The following DNAH10 variants were observed in gnomAD, a reference collection of about 807,000 sequenced individuals.
The protein encoded by DNAH10 is dynein axonemal heavy chain 10.
Under a neutral mutation model 506.6 loss-of-function variants are expected in DNAH10, and 348 were observed. That is an observed-to-expected ratio of 0.69 (90% CI 0.63 to 0.75). The LOEUF (loss-of-function observed/expected upper bound fraction) is 0.75, where lower values mean the gene tolerates loss of function less well. Among genes scored for constraint, DNAH10 ranks in the 30% least tolerant of loss-of-function variants. The pLI, the probability that DNAH10 is intolerant of heterozygous loss-of-function variation, is 0.00. For synonymous variants in DNAH10, 2,059 were observed against 2,198.6 expected (o/e 0.94, Z 1.78); for missense variants, 5,179 against 5,787.1 (o/e 0.89, Z 3.41).
At chr12:123,808,656 C>T (rs1051724801) in intron 18 of DNAH10, 141 bp from the exon 19 acceptor site, 1 of 795,358 alleles carries the variant, frequency 1.3e-6, no homozygotes, top group Non-Finnish European at 2.0e-6. Flanking sequence ...GTAAGACTCA[C>T]CCCAGCCTGT....
At position 123,873,661 on chromosome 12, in the gene DNAH10, C is replaced by A; in HGVS notation, c.7889C>A (p.Pro2630His). 1 of 1,613,416 alleles carries A rather than the reference C, an allele frequency of 6.2e-7. No homozygotes were observed. Reference sequence around the variant, plus strand: ...CGAACCAAAGATACTTACGGCCCACCCATGGGAAAACGCCTGCTGGTGTTC... The same window carrying A: ...CGAACCAAAGATACTTACGGCCCACACATGGGAAAACGCCTGCTGGTGTTC... The part of the protein sequence containing the change: ...EKRTKDTYGP[P>H]MGKRLLVFMD... Residue 2630 changes from proline (P) to histidine (H), a missense_variant, in exon 46 of 79, where the codon CCC becomes CAC. Pro to His is a moderately conservative substitution (Grantham distance 77). Around this residue, in one of 3 missense-constraint regions of DNAH10, gnomAD observed 4,844 missense variants for 5,430.5 expected, o/e 0.89. Transcript: ENST00000673944.
chr12:123,782,656 C>T (rs972269219), intron 6 of DNAH10, among the ~76,000 whole-genome samples: 20 of 151,998 alleles, frequency 1.3e-4, no homozygotes, highest in African/African-American at 4.8e-4. Context: ...AAGTGATCTT[C>T]CTGCCTTGGT....
At chr12:123,808,681 C>A in intron 18 of DNAH10, 116 bp from the exon 19 acceptor site, 1 of 1,045,310 alleles carries the variant, frequency 9.6e-7, no homozygotes, top group African/African-American at 1.6e-5. Flanking sequence ...GACAGCCTCA[C>A]AGTGTGCCAT....
rs374433181 is a variant in DNAH10, at chr12:123,918,643, C to G, written c.11233-33C>G. ...TGCCCTCTGCCCACATCTCAGTCTT[C>G]CTGTTTCCAGGGTCACCTGTGCTTT... On this transcript the variant is annotated intron_variant, in intron 64 of 78. Coordinates refer to ENST00000673944, the MANE Select transcript of DNAH10 (RefSeq NM_001372106.1). 5.2e-6 allele frequency: 8 copies of G among 1,531,228 alleles called. No individual in the cohort carries two copies. The African/African-American group carries it at 6.9e-5, about 13-fold the overall frequency. 94.9% of individuals were successfully genotyped at this position (1,531,228 alleles called of 1,614,324 possible). A position where few individuals can be genotyped will look rare whatever the true frequency, so the allele number is the denominator to read the frequency against.
In DNAH10 at chr12:123,913,147, G is replaced by A. The variant is rs761688047; in HGVS notation, c.10184G>A (p.Arg3395Lys). Residue 3395 changes from arginine to lysine, a missense_variant, in exon 60 of 79, where the codon AGG becomes AAG. Coordinates refer to ENST00000673944, the MANE Select transcript of DNAH10 (RefSeq NM_001372106.1). This position sits in a 1 kb window ranked among gnomAD's most constrained non-coding sequence, Gnocchi z 5.1. ...NFYLTKRELE[R>K]IQNELAAIQK... ...TACCTCACTAAACGGGAACTGGAAA[G>A]GATCCAGAATGAGTTGGCAGCAATT... The A allele has an allele frequency of 3.1e-6, 5 of 1,612,056 alleles. No homozygotes were observed. Among genetic ancestry groups the A allele is most frequent in the Non-Finnish European group, 4.2e-6 (5 of 1,179,442 alleles).
intron 1 of DNAH10, among the ~76,000 whole-genome samples, chr12:123,763,803 TCCTC>T (rs1470386588): frequency 2.0e-5 from 3 of 151,730 alleles, no homozygotes; most frequent in South Asian, 4.2e-4. Context: ...GGTCAAGTGA[TCCTC>T]CCGCCTCGGC....
At position 123,906,537 on chromosome 12, in the gene DNAH10, C is replaced by T. The variant is rs575413113; in HGVS notation, c.9816-2724C>T. 7.9e-5 allele frequency among the ~76,000 whole-genome samples: 12 copies of T among 152,300 alleles called. 1 individual carries two copies. The South Asian group carries it at 8.3e-4, about 11-fold the overall frequency. On this transcript the variant is annotated intron_variant, in intron 57 of 78. Transcript: ENST00000673944. ...GATTACAGGCATGAGCCACCGCACC[C>T]GACCTATTTTGTGGCTTTTGGATAT...
At chr12:123,880,801 TC>T in intron 50 of DNAH10, among the ~76,000 whole-genome samples, 1 of 65,944 alleles carries the variant, frequency 1.5e-5, no homozygotes, top group Admixed American at 2.3e-4. Context: ...CCCTCCCCCC[TC>T]CCCCCACCCC....
At chr12:123,784,665 C>T (rs767003416) in intron 8 of DNAH10, among the ~76,000 whole-genome samples, 1 of 152,216 alleles carries the variant, frequency 6.6e-6, no homozygotes, top group Non-Finnish European at 1.5e-5. Flanking sequence ...TGCTGTGTGT[C>T]CATTACACTA....
At chr12:123,852,208 G>A (rs573248888) in intron 35 of DNAH10, among the ~76,000 whole-genome samples, 2 of 152,268 alleles carry the variant, frequency 1.3e-5, no homozygotes, top group Admixed American at 6.5e-5. Context: ...CCTTTGAGAC[G>A]GGCTTCTTTC....
chr12:123,899,733 C>T (rs886217833), intron 56 of DNAH10, among the ~76,000 whole-genome samples: 2 of 152,306 alleles, frequency 1.3e-5, no homozygotes, highest in South Asian at 2.1e-4. Context: ...ACAGCAGCGC[C>T]GTGAAGAGAC....
At chr12:123,864,513 AACATG>A in intron 39 of DNAH10, 77 bp from the exon 40 acceptor site, 1 of 1,516,630 alleles carries the variant, frequency 6.6e-7, no homozygotes, top group East Asian at 2.4e-5. Flanking sequence ...AAAGACATTC[AACATG>A]AATGGGCAGG....
intron 53 of DNAH10, among the ~76,000 whole-genome samples, chr12:123,894,319 T>C (rs10773047): frequency 0.51 from 76,747 of 151,204 alleles, 20,263 homozygotes; most frequent in African/African-American, 0.66. Context: ...TGCAGTGGTG[T>C]GATCTTGGCT....
At position 123,781,250 on chromosome 12, in the gene DNAH10, C is replaced by T. The variant is rs1472469027; in HGVS notation, c.792C>T (p.Asn264=). 42 of 1,613,552 alleles carry T rather than the reference C, an allele frequency of 2.6e-5. No individual in the cohort carries two copies. Among genetic ancestry groups the T allele is most frequent in the East Asian group, 6.7e-5 (3 of 44,882 alleles). The stretch of plus-strand genomic sequence containing the variant: ...TAATACGGGATGAATTTTTAATGAA[C>T]GTGCAGAAATTTGCAAGTAATATTC... The part of the protein sequence containing the change: ...IQLIRDEFLM[N]VQKFASNIQR... The change falls in exon 6 of 79, where the codon AAC becomes AAT. Residue 264 remains asparagine, a synonymous_variant. Transcript: ENST00000673944.
Position 123,853,336 on chromosome 12 carries a change from C to T in DNAH10, c.6422C>T (p.Ser2141Phe), listed in dbSNP as rs575534182. The stretch of plus-strand genomic sequence containing the variant: ...ATGGCTGGTGAGCTGAAGAGAGGCT[C>T]CTCTGACCTTAGGGAGGTAGGGGCC... Reference protein sequence around the residue: ...LVMAGELKRGSSDLREDVVLM... With the variant: ...LVMAGELKRGFSDLREDVVLM... The change falls in exon 36 of 79, where the codon TCC becomes TTC. Residue 2141 changes from serine (S) to phenylalanine (F), a missense_variant. Ser to Phe is a radical substitution (Grantham distance 155, BLOSUM62 -2). Coordinates refer to ENST00000673944, the MANE Select transcript of DNAH10 (RefSeq NM_001372106.1). This position sits in a 1 kb window ranked among gnomAD's most constrained non-coding sequence, Gnocchi z 4.7. 34 of 1,611,616 alleles carry T rather than the reference C, an allele frequency of 2.1e-5. No homozygotes were observed. Among genetic ancestry groups the T allele is most frequent in the Middle Eastern group, 3.3e-4 (2 of 6,050 alleles).
chr12:123,893,839 G>A (rs7305239), intron 53 of DNAH10, among the ~76,000 whole-genome samples: 12,187 of 152,210 alleles, frequency 0.08, 600 homozygotes, highest in African/African-American at 0.14. Flanking sequence ...TCACAGCCCC[G>A]GGGAGCATGC....
At position 123,785,741 on chromosome 12, in the gene DNAH10, G is replaced by A. The variant is rs1957824340; in HGVS notation, c.1231-5G>A. The A allele has an allele frequency of 6.3e-7, 1 of 1,593,364 alleles. No individual in the cohort carries two copies. The highest frequency in any genetic ancestry group is 8.6e-7 in the Non-Finnish European group (1 of 1,164,830). On this transcript the variant is annotated splice_polypyrimidine_tract_variant and splice_region_variant and intron_variant, in intron 8 of 78. Transcript: ENST00000673944. This position sits in a 1 kb window ranked among gnomAD's most constrained non-coding sequence, Gnocchi z 4.1. ...TCTTGCGTGGCTCTCTCCTCTCTTG[G>A]TCAGAACATAACGCACGGGTCTGGC...
chr12:123,823,397 C>G (rs1187255282), intron 24 of DNAH10, among the ~76,000 whole-genome samples: 3 of 151,998 alleles, frequency 2.0e-5, no homozygotes, highest in Non-Finnish European at 4.4e-5. Context: ...GGTCACTGCC[C>G]CAGTGCTGGC....
rs1240112563 is a variant in DNAH10 at position 123,771,693 on chromosome 12, T to C, written c.391T>C (p.Ser131Pro). ...MDKEISEKLP[S>P]KRTAKHIMEK... ...CAAAGAGATTTCAGAAAAACTCCCT[T>C]CCAAAGTAAGCATGGCTCTTTGTCC... The change falls in exon 3 of 79, where the codon TCC becomes CCC. Residue 131 changes from serine to proline, a missense_variant. Transcript: ENST00000673944. The C allele has an allele frequency of 6.2e-7, 1 of 1,610,134 alleles. No homozygotes were observed. The highest frequency in any genetic ancestry group is 8.5e-7 in the Non-Finnish European group (1 of 1,178,168).
Sources: gnomAD v4.1 joint callset for allele counts (sites outside exome capture counted in the v4.1 genomes callset) on GRCh38, gnomAD v4.1.1 for gene constraint, gnomAD v4.1.1 regional missense constraint, Gnocchi (gnomAD v3.1) non-coding constraint, MANE v1.5 for transcripts, NCBI Gene and HGNC (gene_info 2026-07-23, HGNC 2026-07-21) for gene names.